TUBGCP2: variants seen among roughly 807,000 people sequenced by gnomAD.
TUBGCP2 encodes the protein tubulin gamma complex component 2, also known as gamma-tubulin complex component 2.
In TUBGCP2, 55 loss-of-function variants were observed where a neutral mutation model predicts 92.2. The ratio of observed to expected loss-of-function variants is 0.60; its 90% CI spans 0.48 to 0.75. TUBGCP2 has a LOEUF of 0.75. Among genes scored for constraint, TUBGCP2 ranks in the 30% least tolerant of loss-of-function variants. The pLI is 0.00. For synonymous variants in TUBGCP2, 533 were observed against 505.2 expected (o/e 1.06, Z -0.74); for missense variants, 1,093 against 1,188.9 (o/e 0.92, Z 1.19).
At chr10:133,290,549 G>A (rs1847259618) in intron 8 of TUBGCP2, 1 of 152,280 alleles carries the variant, frequency 6.6e-6, no homozygotes, top group African/African-American at 2.4e-5. Context: ...CCTCGCTCTG[G>A]AACGGAGTAT....
In TUBGCP2 at chr10:133,297,938, A is replaced by G. The variant is rs748484600; in HGVS notation, c.616+14T>C. The G allele has an allele frequency of 1.2e-5, 20 of 1,610,058 alleles. 1 individual carries two copies. The South Asian group carries it at 2.1e-4, about 17-fold the overall frequency. ...TACCTATCGGCAGAGCCCGGAAATC[A>G]ACGCATCACGTACCTATCGGCAAAG... On this transcript the variant is annotated intron_variant, in intron 5 of 17. Coordinates refer to ENST00000252936, the MANE Select transcript of TUBGCP2 (RefSeq NM_006659.4).
chr10:133,293,641 C>A lies in TUBGCP2; in HGVS notation c.745G>T (p.Asp249Tyr). 1 of 1,580,776 alleles carries A rather than the reference C, an allele frequency of 6.3e-7. No homozygotes were observed. ...CTGATGGACAGGTCCAGGTTGGGGT[C>A]CACGAGGAAGGTCCGGCTCTGCCTC... ...AGRQSRTFLV[D>Y]PNLDLSIREL... Residue 249 changes from aspartate to tyrosine, a missense_variant, in exon 6 of 18, where the codon GAC (aspartate) becomes TAC (tyrosine). Coordinates refer to ENST00000252936, the MANE Select transcript of TUBGCP2 (RefSeq NM_006659.4).
chr10:133,292,027 G>A lies in TUBGCP2; in HGVS notation c.1214+472C>T, dbSNP rs187145155. Among the ~76,000 whole-genome samples, 17 of 4,666 alleles carry A rather than the reference G, an allele frequency of 3.6e-3. 5 individuals carry two copies. Among genetic ancestry groups the A allele is most frequent in the East Asian group, 0.12 (2 of 16 alleles). 3.1% of individuals were successfully genotyped at this position (4,666 alleles called of 152,430 possible). On this transcript the variant is annotated intron_variant, in intron 8 of 17. Transcript: ENST00000252936. The stretch of plus-strand genomic sequence containing the variant: ...CCCTCCGTGTCCCCCATGTCCCTCT[G>A]TGTCCCTCCGTGTCCCTCCGTGTCC...
intron 9 of TUBGCP2, 51 bp from the exon 10 acceptor site, chr10:133,289,071 C>T (rs754263220): frequency 5.1e-6 from 8 of 1,572,202 alleles, no homozygotes; most frequent in Admixed American, 1.7e-5. Flanking sequence ...CGATCTCAGG[C>T]CCCAGCTGTC....
chr10:133,285,034 T>TG lies in TUBGCP2; in HGVS notation c.2024+50dup. 3 of 1,555,290 alleles carry TG rather than the reference T, an allele frequency of 1.9e-6. No individual in the cohort carries two copies. The highest frequency in any genetic ancestry group is 2.6e-6 in the Non-Finnish European group (3 of 1,147,580). On this transcript the variant is annotated intron_variant, in intron 13 of 17. Transcript: ENST00000252936. This position sits in a 1 kb window ranked among gnomAD's most constrained non-coding sequence, Gnocchi z 6.8. ...GGGGGCGCTGCACCACTGGGCAGAG[T>TG]GCAGCGAGCGCTGCTTCAGGAGGGC... is the stretch of plus-strand genomic sequence containing the variant.
At position 133,285,452 on chromosome 10, in the gene TUBGCP2, G is replaced by A. The variant is rs750624696; in HGVS notation, c.1895+4C>T. The A allele has an allele frequency of 1.5e-5, 25 of 1,613,226 alleles. No homozygotes were observed. The highest frequency in any genetic ancestry group is 9.9e-5 in the South Asian group (9 of 91,052). On this transcript the variant is annotated splice_donor_region_variant and intron_variant, in intron 12 of 17. Coordinates refer to ENST00000252936, the MANE Select transcript of TUBGCP2 (RefSeq NM_006659.4). The surrounding 1 kb of genome is among the most constrained non-coding windows in gnomAD (Gnocchi z 6.8). ...TGGCAGGTGCCCGAGCAGCCGACCCGCACCTGTTGATGATGAGCGAAAGGG... is the reference window on the plus strand; with the variant it reads ...TGGCAGGTGCCCGAGCAGCCGACCCACACCTGTTGATGATGAGCGAAAGGG...
In TUBGCP2 at chr10:133,293,039, C is replaced by T. The variant is rs370160654; in HGVS notation, c.1024G>A (p.Ala342Thr). 7.4e-6 allele frequency: 12 copies of T among 1,612,502 alleles called. No individual in the cohort carries two copies. Among genetic ancestry groups the T allele is most frequent in the African/African-American group, 1.3e-5 (1 of 74,900 alleles). Residue 342 changes from alanine (A) to threonine (T), a missense_variant and splice_region_variant, in exon 7 of 18, where the codon GCC becomes ACC. Coordinates refer to ENST00000252936, the MANE Select transcript of TUBGCP2 (RefSeq NM_006659.4). ...MRTMDILASL[A>T]TSVDKGECLG... The stretch of plus-strand genomic sequence containing the variant: ...CCATGCCCCCCGGGCGGGCACGCAC[C>T]GAGGGAGGCCAGGATGTCCATGGTG...
At chr10:133,287,613 G>C (rs897571328) in intron 11 of TUBGCP2, among the ~76,000 whole-genome samples, 2 of 131,638 alleles carry the variant, frequency 1.5e-5, no homozygotes, top group Admixed American at 1.6e-4. Flanking sequence ...GTGGTGGCGC[G>C]CACCTGTAAT....
chr10:133,289,794 C>G (rs373001282), intron 9 of TUBGCP2, 30 bp downstream of exon 9: 1 of 81,574 alleles, frequency 1.2e-5, no homozygotes, highest in South Asian at 1.2e-4. Flanking sequence ...CTGTGCTGCG[C>G]ACCCCAAGTC....
At chr10:133,312,129 T>C, upstream of TUBGCP2, 1 of 1,437,668 alleles carries the variant, frequency 7.0e-7, no homozygotes, top group Non-Finnish European at 9.1e-7. Context: ...TTGCAGTTGC[T>C]TCAGTCACAA....
At chr10:133,296,979 T>C (rs897643328) in intron 5 of TUBGCP2, among the ~76,000 whole-genome samples, 1 of 152,228 alleles carries the variant, frequency 6.6e-6, no homozygotes, top group African/African-American at 2.4e-5. Context: ...GGTGCCCACA[T>C]TGCAGAGCCG....
At chr10:133,311,311 C>T (rs530521936), upstream of TUBGCP2, among the ~76,000 whole-genome samples, 34 of 152,170 alleles carry the variant, frequency 2.2e-4, 1 homozygote, top group South Asian at 5.6e-3. Context: ...GTCTCCTTTC[C>T]GAGGGATCAT....
At chr10:133,294,608 T>C (rs79988042) in intron 5 of TUBGCP2, among the ~76,000 whole-genome samples, 3 of 145,586 alleles carry the variant, frequency 2.1e-5, no homozygotes, top group Admixed American at 1.4e-4. Context: ...ACTGTCCTTG[T>C]TTTTTTTTTT....
At chr10:133,304,843 G>A (rs148379074) in intron 1 of TUBGCP2, among the ~76,000 whole-genome samples, 3,854 of 152,326 alleles carry the variant, frequency 0.025, 74 homozygotes, top group Non-Finnish European at 0.039. Context: ...AGTGAGAAGT[G>A]ACCAGAAGAC....
In TUBGCP2 at chr10:133,283,087, G is replaced by A. The variant is rs141749772; in HGVS notation, c.2280C>T (p.Asn760=). The A allele has an allele frequency of 4.4e-4, 707 of 1,614,232 alleles. 4 individuals are homozygous for A. The highest frequency in any genetic ancestry group is 3.1e-3 in the African/African-American group (232 of 75,072). The change falls in exon 15 of 18, where the codon AAC becomes AAT. Residue 760 remains asparagine (N), a synonymous_variant. Transcript: ENST00000252936. ...KLMSVCVMFT[N]CMQKFTQSMK... ...ACCCACACCCACGCACCTGCATGCA[G>A]TTGGTGAACATGACGCACACAGACA...
upstream of TUBGCP2, chr10:133,309,346 G>T (rs771081160): frequency 6.3e-6 from 10 of 1,591,338 alleles, no homozygotes; most frequent in Admixed American, 5.2e-5. Context: ...CGGTGGGCGT[G>T]CCGCGAGTCA....
chr10:133,281,274 T>C lies in TUBGCP2; in HGVS notation c.2572A>G (p.Arg858Gly). The C allele has an allele frequency of 6.2e-7, 1 of 1,610,410 alleles. No homozygotes were observed. Among genetic ancestry groups the C allele is most frequent in the Non-Finnish European group, 8.5e-7 (1 of 1,179,736 alleles). ...TGAGCCGGGGTGGCGCCCACCCACCTGGAGATGACGCTGGCCATGCCGTGC... is the reference window on the plus strand; with the variant it reads ...TGAGCCGGGGTGGCGCCCACCCACCCGGAGATGACGCTGGCCATGCCGTGC... ...CEHGMASVIS[R>G]LDFNGFYTER... The change falls in exon 17 of 18, where the codon AGG becomes GGG. Residue 858 changes from arginine to glycine, a missense_variant and splice_region_variant. This residue lies in a region of TUBGCP2 where 598 missense variants were observed against 675.5 expected (regional missense o/e 0.89). Transcript: ENST00000252936.
rs998884230 is a variant in TUBGCP2, at chr10:133,279,601, A to G, written c.*165T>C. The G allele has an allele frequency of 8.7e-7, 1 of 1,155,108 alleles. No homozygotes were observed. Among genetic ancestry groups the G allele is most frequent in the Non-Finnish European group, 1.1e-6 (1 of 870,720 alleles). 71.6% of individuals were successfully genotyped at this position (1,155,108 alleles called of 1,614,324 possible). A position where few individuals can be genotyped will look rare whatever the true frequency, so the allele number is the denominator to read the frequency against. On this transcript the variant is annotated 3_prime_UTR_variant, in exon 18 of 18. Transcript: ENST00000252936. ...CCACCCTGCCTGGGCAGCTTCTATA[A>G]AACGAAACCCAGCGCCTTGAGAAAC...
chr10:133,279,848 C>T lies in TUBGCP2; in HGVS notation c.2627G>A (p.Arg876Lys). 6.2e-7 allele frequency: 1 copy of T among 1,603,754 alleles called. No homozygotes were observed. Among genetic ancestry groups the T allele is most frequent in the African/African-American group, 1.3e-5 (1 of 74,686 alleles). Reference sequence around the variant, plus strand: ...CACTTGGGGGGTGGCCTTCTGGCTCCTCTCTGCAGACAGGCGCTCCAGGCG... The same window carrying T: ...CACTTGGGGGGTGGCCTTCTGGCTCTTCTCTGCAGACAGGCGCTCCAGGCG... The part of the protein sequence containing the change: ...TERLERLSAE[R>K]SQKATPQVPV... The change falls in exon 18 of 18, where the codon AGG becomes AAG. Residue 876 changes from arginine (R) to lysine (K), a missense_variant. This residue lies in a region of TUBGCP2 where 598 missense variants were observed against 675.5 expected (regional missense o/e 0.89). Transcript: ENST00000252936.
Sources: gnomAD v4.1 joint callset for allele counts (sites outside exome capture counted in the v4.1 genomes callset) on GRCh38, gnomAD v4.1.1 for gene constraint, gnomAD v4.1.1 regional missense constraint, Gnocchi (gnomAD v3.1) non-coding constraint, MANE v1.5 for transcripts, NCBI Gene and HGNC (gene_info 2026-07-23, HGNC 2026-07-21) for gene names.